The following ABCG2 variants were observed in gnomAD, a reference collection of about 807,000 sequenced individuals.
ABCG2 encodes the protein ATP binding cassette subfamily G member 2 (JR blood group).
A neutral mutation model predicts 73.5 loss-of-function variants in ABCG2; 80 were observed. The ratio of observed to expected loss-of-function variants is 1.09; its 90% CI spans 0.91 to 1.31. The LOEUF (loss-of-function observed/expected upper bound fraction) is 1.31, where lower values mean the gene tolerates loss of function less well. ABCG2 is among the 50% of genes most tolerant of loss of function. The pLI is 0.00. For synonymous variants in ABCG2, 269 were observed against 282.4 expected, an observed-to-expected ratio of 0.95 and a Z score of 0.48; for missense variants, 796 against 786.2, an observed-to-expected ratio of 1.01 and a Z score of -0.15.
At chr4:88,152,950 A>G (rs1043832480) in intron 1 of ABCG2, among the ~76,000 whole-genome samples, 1 of 152,088 alleles carries the variant, frequency 6.6e-6, no homozygotes, top group Non-Finnish European at 1.5e-5. Context: ...AGAAGAAACA[A>G]TTGTCCTATA....
In ABCG2 at chr4:88,090,283, C is replaced by G; in HGVS notation, c.*1951G>C. 6.6e-6 allele frequency: 1 copy of G among 151,666 alleles called. No individual in the cohort carries two copies. The allele number at this position is 151,666 out of a possible 1,614,324, so 9.4% of individuals were successfully genotyped here. A position where few individuals can be genotyped will look rare whatever the true frequency, so the allele number is the denominator to read the frequency against. ...ATAAAATAGGATATAATTAAATTCT[C>G]ATTTATTTAAAAAGTTAATAATTGT... On this transcript the variant is annotated 3_prime_UTR_variant, in exon 16 of 16. Transcript: ENST00000237612.
chr4:88,144,739 G>T (rs925375503), intron 1 of ABCG2, among the ~76,000 whole-genome samples: 1 of 152,122 alleles, frequency 6.6e-6, no homozygotes, highest in African/African-American at 2.4e-5. Flanking sequence ...TTATAGGTGT[G>T]AGCCACTGCG....
Position 88,092,132 on chromosome 4 carries a change from GATGGC to G in ABCG2, c.*97_*101del. 9.5e-7 allele frequency: 1 copy of G among 1,056,274 alleles called. No individual in the cohort carries two copies. Among genetic ancestry groups the G allele is most frequent in the South Asian group, 1.7e-5 (1 of 59,016 alleles). 65.4% of individuals were successfully genotyped at this position (1,056,274 alleles called of 1,614,324 possible). ...AACAATTGCTGCTGTGCAACAGTGT[GATGGC>G]AAGGGAACAGAAAACAACAAAAAAA... On this transcript the variant is annotated 3_prime_UTR_variant, in exon 16 of 16. Coordinates refer to ENST00000237612, the MANE Select transcript of ABCG2 (RefSeq NM_004827.3).
chr4:88,181,978 T>C (rs1189784501), intron 1 of ABCG2, among the ~76,000 whole-genome samples: 2 of 151,784 alleles, frequency 1.3e-5, no homozygotes, highest in Non-Finnish European at 2.9e-5. Flanking sequence ...TAAAAAGATA[T>C]AGAGTCGTCA....
At chr4:88,143,132 C>T (rs1056665956) in intron 1 of ABCG2, among the ~76,000 whole-genome samples, 4 of 152,044 alleles carry the variant, frequency 2.6e-5, no homozygotes, top group South Asian at 4.1e-4. Context: ...AATGCGTGTA[C>T]ATTATATGCA....
intron 1 of ABCG2, among the ~76,000 whole-genome samples, chr4:88,226,022 C>G (rs566746127): frequency 6.6e-5 from 10 of 152,246 alleles, no homozygotes; most frequent in African/African-American, 2.4e-4. Flanking sequence ...GGGTCCCTCC[C>G]ACAACACATG....
At chr4:88,132,170 G>A (rs556006052) in intron 3 of ABCG2, among the ~76,000 whole-genome samples, 1 of 152,278 alleles carries the variant, frequency 6.6e-6, no homozygotes, top group East Asian at 1.9e-4. Flanking sequence ...ACCATTGGCT[G>A]ATCAAGTACA....
chr4:88,187,376 G>A (rs1008211057), intron 1 of ABCG2, among the ~76,000 whole-genome samples: 1 of 152,092 alleles, frequency 6.6e-6, no homozygotes. Context: ...ACTTTGGGAG[G>A]CCGAGGTGGG....
chr4:88,217,245 C>G (rs1729848701), intron 1 of ABCG2, among the ~76,000 whole-genome samples: 1 of 152,092 alleles, frequency 6.6e-6, no homozygotes, highest in African/African-American at 2.4e-5. Flanking sequence ...CTTGATAGAA[C>G]AGTGAATTGG....
rs552659285 is a variant in ABCG2 at position 88,109,141 on chromosome 4, T to G, written c.1195-1875A>C. On this transcript the variant is annotated intron_variant, in intron 9 of 15. Transcript: ENST00000237612. ...AGCCTCCCAAGCAACTGGGATTACA[T>G]GCGCCCACCACCAAGCCCAGCTAAT... Among the ~76,000 whole-genome samples, 125 of 151,772 alleles carry G rather than the reference T, an allele frequency of 8.2e-4. 1 individual carries two copies. Among genetic ancestry groups the G allele is most frequent in the Non-Finnish European group, 6.2e-4 (42 of 67,922 alleles).
chr4:88,210,375 C>T (rs1200333492), intron 1 of ABCG2, among the ~76,000 whole-genome samples: 2 of 151,922 alleles, frequency 1.3e-5, no homozygotes, highest in Admixed American at 6.6e-5. Context: ...TTTTTGTGTT[C>T]GTTGAAGGAG....
At chr4:88,121,265 G>A (rs1723948314) in intron 6 of ABCG2, among the ~76,000 whole-genome samples, 1 of 152,142 alleles carries the variant, frequency 6.6e-6, no homozygotes, top group African/African-American at 2.4e-5. Context: ...AGTACTGAAG[G>A]TGGAAGAATA....
chr4:88,188,660 A>T (rs1376578196), intron 1 of ABCG2, among the ~76,000 whole-genome samples: 1 of 152,096 alleles, frequency 6.6e-6, no homozygotes, highest in Non-Finnish European at 1.5e-5. Flanking sequence ...TGGCCTTAGG[A>T]GCTAGATAGG....
At chr4:88,108,772 A>G (rs1190276855) in intron 9 of ABCG2, among the ~76,000 whole-genome samples, 14 of 152,190 alleles carry the variant, frequency 9.2e-5, no homozygotes, top group Admixed American at 7.9e-4. Context: ...CCTAGTCTGG[A>G]AAGAACATTA....
chr4:88,155,019 C>T (rs943613474), intron 1 of ABCG2, among the ~76,000 whole-genome samples: 2 of 152,046 alleles, frequency 1.3e-5, no homozygotes, highest in African/African-American at 4.8e-5. Flanking sequence ...ACTGCACAGC[C>T]CTGCACTTCG....
At chr4:88,138,849 A>G (rs1030357031) in intron 2 of ABCG2, among the ~76,000 whole-genome samples, 1 of 152,082 alleles carries the variant, frequency 6.6e-6, no homozygotes, top group Non-Finnish European at 1.5e-5. Context: ...ATGCCATTTG[A>G]CCATAAAAAA....
In ABCG2 at chr4:88,115,044, C is replaced by T. The variant is rs1368809743; in HGVS notation, c.856G>A (p.Ala286Thr). Residue 286 changes from alanine to threonine, a missense_variant, in exon 8 of 16, where the codon GCC becomes ACC. Transcript: ENST00000237612. ...AAGAAGTCTGCAGGGTTATTATAGG[C>T]CTCACAGTGATAACCTATGAAAGAA... The part of the protein sequence containing the change: ...YFESAGYHCE[A>T]YNNPADFFLD... 2 of 1,610,272 alleles carry T rather than the reference C, an allele frequency of 1.2e-6. No individual in the cohort carries two copies. The highest frequency in any genetic ancestry group is 1.1e-5 in the South Asian group (1 of 90,818).
intron 1 of ABCG2, among the ~76,000 whole-genome samples, chr4:88,222,163 A>C (rs1305102064): frequency 6.6e-6 from 1 of 152,238 alleles, no homozygotes; most frequent in Non-Finnish European, 1.5e-5. Context: ...AAGCCTTGGC[A>C]GCTTCCATAT....
intron 1 of ABCG2, among the ~76,000 whole-genome samples, chr4:88,141,274 G>A (rs1337989689): frequency 1.3e-5 from 2 of 152,110 alleles, no homozygotes; most frequent in Non-Finnish European, 2.9e-5. Flanking sequence ...ACGGAATGGC[G>A]GGACTGAAGC....
Sources: gnomAD v4.1 joint callset for allele counts (sites outside exome capture counted in the v4.1 genomes callset) on GRCh38, gnomAD v4.1.1 for gene constraint, MANE v1.5 for transcripts, NCBI Gene and HGNC (gene_info 2026-07-23, HGNC 2026-07-21) for gene names.